The following DCDC1 variants were observed in gnomAD, a reference collection of about 807,000 sequenced individuals.
The protein encoded by DCDC1 is doublecortin domain containing 1, also known as doublecortin domain-containing protein 1.
DCDC1 carries 200 observed loss-of-function variants against 178.3 expected under a neutral mutation model. The observed-to-expected ratio is 1.12, with a 90% CI of 1.00 to 1.26. The LOEUF is 1.26. DCDC1 is among the 50% of genes most tolerant of loss of function. DCDC1 has a pLI of 0.00. For synonymous variants in DCDC1, 690 were observed against 604.8 expected (o/e 1.14, Z -2.07); for missense variants, 1,983 against 1,749.2 (o/e 1.13, Z -2.38).
At chr11:30,916,265 A>T (rs1188864154) in intron 26 of DCDC1, among the ~76,000 whole-genome samples, 3 of 152,210 alleles carry the variant, frequency 2.0e-5, no homozygotes, top group African/African-American at 7.2e-5. Flanking sequence ...AACATATTAC[A>T]TATCACAACA....
intron 20 of DCDC1, among the ~76,000 whole-genome samples, chr11:30,979,022 G>T (rs1950252932): frequency 1.3e-5 from 2 of 152,140 alleles, no homozygotes; most frequent in East Asian, 3.9e-4. Flanking sequence ...CAAATACAGA[G>T]ATAGGAATTC....
In DCDC1 at chr11:30,892,992, G is replaced by C; in HGVS notation, c.4908C>G (p.His1636Gln). Residue 1636 changes from histidine to glutamine, a missense_variant, in exon 36 of 39, where the codon CAC (histidine) becomes CAG (glutamine). His to Gln is a conservative substitution (Grantham distance 24). Coordinates refer to ENST00000684477, the MANE Select transcript of DCDC1 (RefSeq NM_001387274.1). ...ATTCCATTTCTTGGATTTCAGAAAG[G>C]TGTGCCTGTCAAGAAAAGCCCAGAG... ...LMELIRHTEA[H>Q]LSEIQEMESK... is the part of the protein sequence containing the mutation. 2 of 1,613,736 alleles carry C rather than the reference G, an allele frequency of 1.2e-6. No homozygotes were observed. The highest frequency in any genetic ancestry group is 1.7e-6 in the Non-Finnish European group (2 of 1,179,822).
At chr11:31,296,115 A>C (rs956810447) in intron 6 of DCDC1, among the ~76,000 whole-genome samples, 15 of 152,176 alleles carry the variant, frequency 9.9e-5, no homozygotes, top group Admixed American at 3.3e-4. Flanking sequence ...CCAGCCAGCC[A>C]GCCCATCAGG....
intron 1 of DCDC1, among the ~76,000 whole-genome samples, chr11:31,365,445 A>G (rs1951910228): frequency 6.6e-6 from 1 of 152,140 alleles, no homozygotes; most frequent in African/African-American, 2.4e-5. Flanking sequence ...ATAGTTGGTG[A>G]TGGAACTACC....
intron 34 of DCDC1, among the ~76,000 whole-genome samples, chr11:30,899,012 C>G (rs1369600594): frequency 6.6e-6 from 1 of 152,046 alleles, no homozygotes; most frequent in Admixed American, 6.6e-5. Context: ...TAATTGATCA[C>G]TTTGACTGTG....
At chr11:31,161,375 A>G (rs1966301664) in intron 9 of DCDC1, among the ~76,000 whole-genome samples, 2 of 152,224 alleles carry the variant, frequency 1.3e-5, no homozygotes, top group Non-Finnish European at 2.9e-5. Context: ...ATTAAAAAAG[A>G]GCTAAGTACT....
At chr11:31,356,115 A>C (rs994072715) in intron 1 of DCDC1, among the ~76,000 whole-genome samples, 2 of 152,216 alleles carry the variant, frequency 1.3e-5, no homozygotes, top group East Asian at 3.8e-4. Flanking sequence ...CTACAGTATA[A>C]AAAAGCTATG....
chr11:30,944,197 C>G (rs564901747), intron 21 of DCDC1: 70 of 396,060 alleles, frequency 1.8e-4, no homozygotes, highest in Admixed American at 8.4e-4. Context: ...TCTTCTCTCT[C>G]CCTTCCTTCT....
In DCDC1 at chr11:31,328,197, T is replaced by A. The variant is rs1949752289; in HGVS notation, c.84A>T (p.Leu28Phe). Residue 28 changes from leucine to phenylalanine, a missense_variant, in exon 3 of 39, where the codon TTA (leucine) becomes TTT (phenylalanine). Physicochemically the swap from Leu to Phe is conservative, Grantham distance 22 (BLOSUM62 0). Transcript: ENST00000684477. ...LSLLTEAMEV[L>F]QQSSPEGTLD... ...AAGTGCCTTCAGGGCTACTTTGCTG[T>A]AATACTTCCATTGCTTCAGTCAAGA... 9.3e-6 allele frequency: 15 copies of A among 1,612,638 alleles called. 1 individual carries two copies. The highest frequency in any genetic ancestry group is 3.3e-4 in the Middle Eastern group (2 of 6,078).
intron 1 of DCDC1, among the ~76,000 whole-genome samples, chr11:31,368,571 A>C (rs961708820): frequency 1.3e-5 from 2 of 152,196 alleles, no homozygotes; most frequent in Admixed American, 6.5e-5. Context: ...TGGAGAACCT[A>C]ATCTATGCTT....
intron 9 of DCDC1, among the ~76,000 whole-genome samples, chr11:31,222,680 G>A (rs1037272919): frequency 1.3e-5 from 2 of 152,134 alleles, no homozygotes; most frequent in Admixed American, 6.5e-5. Context: ...TTCTGGTGAG[G>A]AGTCTCTGAG....
At chr11:31,040,206 A>C (rs757905213) in intron 20 of DCDC1, among the ~76,000 whole-genome samples, 1 of 152,196 alleles carries the variant, frequency 6.6e-6, no homozygotes, top group African/African-American at 2.4e-5. Flanking sequence ...GCAACGGAAT[A>C]TGTTATAAAT....
intron 20 of DCDC1, among the ~76,000 whole-genome samples, chr11:31,017,204 A>G (rs1363117336): frequency 6.6e-6 from 1 of 152,122 alleles, no homozygotes; most frequent in Non-Finnish European, 1.5e-5. Flanking sequence ...CACAAATTTG[A>G]GCTTTGAGGG....
intron 18 of DCDC1, among the ~76,000 whole-genome samples, chr11:31,071,938 T>C (rs1956592055): frequency 6.6e-6 from 1 of 152,198 alleles, no homozygotes; most frequent in African/African-American, 2.4e-5. Flanking sequence ...AACTTTGAGT[T>C]AGAACTACCC....
intron 20 of DCDC1, among the ~76,000 whole-genome samples, chr11:31,028,888 TATTTTGTTC>T (rs145194608): frequency 0.015 from 2,282 of 152,132 alleles, 50 homozygotes; most frequent in African/African-American, 0.051. Context: ...TTAAAGAGTA[TATTTTGTTC>T]ATAGCACTGT....
At chr11:31,218,353 T>C (rs1057304243) in intron 9 of DCDC1, among the ~76,000 whole-genome samples, 6 of 152,130 alleles carry the variant, frequency 3.9e-5, no homozygotes, top group African/African-American at 1.4e-4. Context: ...AGAATAAATG[T>C]TTATAGGGAA....
intron 3 of DCDC1, among the ~76,000 whole-genome samples, chr11:31,316,086 G>C (rs1949098863): frequency 1.0e-5 from 1 of 96,612 alleles, no homozygotes; most frequent in Non-Finnish European, 2.0e-5. Flanking sequence ...CCAAGTCTTT[G>C]CTATTGTGAA....
intron 20 of DCDC1, among the ~76,000 whole-genome samples, chr11:31,040,881 A>T (rs1954400277): frequency 6.6e-6 from 1 of 152,214 alleles, no homozygotes; most frequent in Non-Finnish European, 1.5e-5. Context: ...AATAAGTTGC[A>T]ACTCCTCTGG....
chr11:31,039,989 C>G (rs1436128034), intron 20 of DCDC1, among the ~76,000 whole-genome samples: 4 of 151,994 alleles, frequency 2.6e-5, no homozygotes, highest in Admixed American at 2.6e-4. Flanking sequence ...TAACAATAAA[C>G]TCTTAAAAAG....
Sources: gnomAD v4.1 joint callset for allele counts (sites outside exome capture counted in the v4.1 genomes callset) on GRCh38, gnomAD v4.1.1 for gene constraint, MANE v1.5 for transcripts, NCBI Gene and HGNC (gene_info 2026-07-23, HGNC 2026-07-21) for gene names.